STXBP6: variants seen among roughly 807,000 people sequenced by gnomAD.
STXBP6 encodes the protein syntaxin binding protein 6.
Under a neutral mutation model 26.9 loss-of-function variants are expected in STXBP6, and 21 were observed. The ratio of observed to expected loss-of-function variants is 0.78; its 90% confidence interval spans 0.55 to 1.12. The LOEUF (loss-of-function observed/expected upper bound fraction) is 1.12. Ranked by LOEUF, STXBP6 falls within the 50% of genes most tolerant of loss-of-function variation. The pLI is 0.00. For synonymous variants in STXBP6, 97 were observed against 92.6 expected (o/e 1.05, Z -0.27); for missense variants, 232 against 257.9 (o/e 0.90, Z 0.69).
chr14:24,856,167 T>C, intron 3 of STXBP6, 66 bp from the exon 4 acceptor site: 1 of 1,450,864 alleles, frequency 6.9e-7, no homozygotes, highest in Non-Finnish European at 9.2e-7. Context: ...AGATTACTCC[T>C]GTCAAAAGAT....
chr14:24,849,182 T>C (rs1263603158), intron 4 of STXBP6, among the ~76,000 whole-genome samples: 1 of 152,092 alleles, frequency 6.6e-6, no homozygotes, highest in Admixed American at 6.6e-5. Flanking sequence ...TTAGTCTTAG[T>C]TTTTTTCTCT....
chr14:24,971,051 G>C (rs2073892023), intron 2 of STXBP6, among the ~76,000 whole-genome samples: 1 of 152,138 alleles, frequency 6.6e-6, no homozygotes, highest in African/African-American at 2.4e-5. Flanking sequence ...TAATGAACTG[G>C]AGAGATTATT....
At position 24,857,176 on chromosome 14, in the gene STXBP6, T is replaced by G; in HGVS notation, c.155-19A>C. ...TTTGTCACTGCCAAGAAAAGATCAC[T>G]CAGATTAGTGCACCTGCAAGTTGGT... On this transcript the variant is annotated intron_variant, in intron 2 of 5. Coordinates refer to ENST00000323944, the MANE Select transcript of STXBP6 (RefSeq NM_001394410.1). 1.2e-6 allele frequency: 2 copies of G among 1,612,366 alleles called. No individual in the cohort carries two copies. The highest frequency in any genetic ancestry group is 1.7e-6 in the Non-Finnish European group (2 of 1,178,806).
At chr14:24,817,930 G>GC in intron 5 of STXBP6, 1 of 406,472 alleles carries the variant, frequency 2.5e-6, no homozygotes, top group African/African-American at 2.1e-5. Context: ...GGAAGAGAAG[G>GC]CAGGAGTCAT....
At chr14:25,007,039 A>G (rs779799661) in intron 1 of STXBP6, among the ~76,000 whole-genome samples, 22 of 152,260 alleles carry the variant, frequency 1.4e-4, no homozygotes, top group African/African-American at 4.8e-5. Flanking sequence ...CGAAATCAGC[A>G]TATGACATAG....
intron 2 of STXBP6, among the ~76,000 whole-genome samples, chr14:24,904,890 T>A (rs991157349): frequency 6.6e-6 from 1 of 151,658 alleles, no homozygotes; most frequent in African/African-American, 2.4e-5. Context: ...TTCTATTTGA[T>A]TAGAGAAAAT....
At chr14:24,921,492 A>G (rs1286370879) in intron 2 of STXBP6, among the ~76,000 whole-genome samples, 1 of 152,174 alleles carries the variant, frequency 6.6e-6, no homozygotes, top group African/African-American at 2.4e-5. Context: ...CTTTTTCTGG[A>G]TATCAAGAGA....
chr14:24,903,194 G>C (rs956265460), intron 2 of STXBP6, among the ~76,000 whole-genome samples: 1 of 152,078 alleles, frequency 6.6e-6, no homozygotes, highest in Non-Finnish European at 1.5e-5. Context: ...GTTAGAGCTC[G>C]CATTTTTGGT....
intron 1 of STXBP6, among the ~76,000 whole-genome samples, chr14:24,993,755 G>C (rs1300009973): frequency 6.6e-6 from 1 of 152,162 alleles, no homozygotes; most frequent in Non-Finnish European, 1.5e-5. Flanking sequence ...CTGTCAGCCT[G>C]TACAGTAGCA....
intron 1 of STXBP6, among the ~76,000 whole-genome samples, chr14:25,037,849 G>A (rs2075580338): frequency 6.6e-6 from 1 of 152,216 alleles, no homozygotes. Flanking sequence ...AGTGGTCTCT[G>A]ACTTTACAAT....
intron 2 of STXBP6, among the ~76,000 whole-genome samples, chr14:24,959,820 C>T (rs2073469412): frequency 6.6e-6 from 1 of 152,156 alleles, no homozygotes; most frequent in African/African-American, 2.4e-5. Flanking sequence ...TGGATGAATC[C>T]ATAAATGTCA....
At chr14:24,995,186 G>C (rs544121471) in intron 1 of STXBP6, among the ~76,000 whole-genome samples, 52 of 152,276 alleles carry the variant, frequency 3.4e-4, no homozygotes, top group African/African-American at 1.2e-3. Flanking sequence ...CCTTGTAGCT[G>C]TGTACTCACA....
intron 1 of STXBP6, among the ~76,000 whole-genome samples, chr14:25,013,205 T>C (rs1361101422): frequency 6.6e-6 from 1 of 152,168 alleles, no homozygotes; most frequent in Non-Finnish European, 1.5e-5. Context: ...GCTCCCCAAA[T>C]TGGTTATCTC....
chr14:24,866,668 T>G (rs933384888), intron 2 of STXBP6, among the ~76,000 whole-genome samples: 1 of 151,738 alleles, frequency 6.6e-6, no homozygotes, highest in Non-Finnish European at 1.5e-5. Context: ...AATGTAAAAA[T>G]ACCTCATATT....
chr14:24,996,179 T>C (rs1312553028), intron 1 of STXBP6, among the ~76,000 whole-genome samples: 1 of 152,252 alleles, frequency 6.6e-6, no homozygotes, highest in Non-Finnish European at 1.5e-5. Context: ...GATCAAAATA[T>C]AATGTATACC....
intron 1 of STXBP6, among the ~76,000 whole-genome samples, chr14:24,992,275 C>G (rs1327269504): frequency 6.6e-6 from 1 of 152,316 alleles, no homozygotes; most frequent in East Asian, 1.9e-4. Context: ...AGAGACTGCT[C>G]TAACTACCCA....
intron 1 of STXBP6, among the ~76,000 whole-genome samples, chr14:24,988,264 C>T (rs1443266968): frequency 1.3e-5 from 2 of 152,166 alleles, no homozygotes; most frequent in Non-Finnish European, 2.9e-5. Context: ...CAGGACCTAT[C>T]CTTCTTCATT....
intron 2 of STXBP6, among the ~76,000 whole-genome samples, chr14:24,881,091 TG>T (rs2139425945): frequency 6.6e-6 from 1 of 152,258 alleles, no homozygotes; most frequent in Non-Finnish European, 1.5e-5. Context: ...TTACCTCCAG[TG>T]AGCTGTCCAG....
rs181362898 is a variant in STXBP6, at chr14:24,919,302, A to T, written c.154+55363T>A. ...TACTTTAGTCTTCCAGACTAAAGAG[A>T]TGGAAGAAAGGTTTCTAAGAAAGGG... On this transcript the variant is annotated intron_variant, in intron 2 of 5. Transcript: ENST00000323944. 2.2e-3 allele frequency among the ~76,000 whole-genome samples: 328 copies of T among 152,158 alleles called. 1 individual carries two copies. Among genetic ancestry groups the T allele is most frequent in the South Asian group, 0.012 (57 of 4,824 alleles).
Sources: allele counts gnomAD v4.1 joint callset (sites outside exome capture counted in the v4.1 genomes callset), GRCh38; gene constraint gnomAD v4.1.1; transcripts MANE v1.5; gene names NCBI Gene and HGNC (gene_info 2026-07-23, HGNC 2026-07-21).